RBFOX1: variants seen among roughly 807,000 people sequenced by gnomAD.
The protein encoded by RBFOX1 is RNA binding fox-1 homolog 1, also known as RNA binding protein fox-1 homolog 1.
RBFOX1 carries 8 observed loss-of-function variants against 57.7 expected under a neutral mutation model. That is an observed-to-expected ratio of 0.14 (90% CI 0.08 to 0.25). The LOEUF (loss-of-function observed/expected upper bound fraction) is 0.25. RBFOX1 is among the 10% of genes least tolerant of loss of function. The pLI is 1.00. For missense variants in RBFOX1, 611 were observed against 548.5 expected (o/e 1.11, Z -1.14); for synonymous variants, 326 against 222.4 (o/e 1.47, Z -4.15).
At chr16:6,628,589 G>A (rs888865696) in intron 2 of RBFOX1, among the ~76,000 whole-genome samples, 19 of 152,040 alleles carry the variant, frequency 1.2e-4, no homozygotes, top group African/African-American at 4.1e-4. Flanking sequence ...AAAGTGACTT[G>A]CATCAGTATC....
intron 3 of RBFOX1, among the ~76,000 whole-genome samples, chr16:6,977,476 A>G (rs149840251): frequency 6.6e-6 from 1 of 152,024 alleles, no homozygotes; most frequent in Non-Finnish European, 1.5e-5. Context: ...TGACTTCCTG[A>G]GAATGCAGCC....
chr16:5,522,902 A>G (rs977450310), intron 2 of RBFOX1, among the ~76,000 whole-genome samples: 10 of 152,202 alleles, frequency 6.6e-5, no homozygotes, highest in Non-Finnish European at 1.3e-4. Context: ...ATAGCATTCC[A>G]TCGTGTATCT....
intron 4 of RBFOX1, among the ~76,000 whole-genome samples, chr16:7,252,967 C>T (rs1037094241): frequency 6.6e-6 from 1 of 152,146 alleles, no homozygotes; most frequent in Non-Finnish European, 1.5e-5. Context: ...AATAAGCATG[C>T]ACATATGTTA....
intron 3 of RBFOX1, among the ~76,000 whole-genome samples, chr16:6,924,862 G>C (rs1172336414): frequency 1.4e-4 from 16 of 115,180 alleles, no homozygotes; most frequent in African/African-American, 5.6e-4. Flanking sequence ...AACAGTCCCT[G>C]GTGTGTGATG....
chr16:5,577,865 C>A (rs1021424302), intron 2 of RBFOX1, among the ~76,000 whole-genome samples: 4 of 152,106 alleles, frequency 2.6e-5, no homozygotes, highest in South Asian at 4.1e-4. Context: ...TTTGGTGCAG[C>A]CTAATATAAA....
At chr16:5,902,010 ACTC>A (rs1261907479) in intron 4 of RBFOX1, among the ~76,000 whole-genome samples, 1 of 151,914 alleles carries the variant, frequency 6.6e-6, no homozygotes, top group Non-Finnish European at 1.5e-5. Flanking sequence ...TCCCATTATT[ACTC>A]AGTTATTCAT....
At chr16:5,957,822 A>G (rs1348546050) in intron 4 of RBFOX1, among the ~76,000 whole-genome samples, 1 of 152,100 alleles carries the variant, frequency 6.6e-6, no homozygotes, top group Non-Finnish European at 1.5e-5. Context: ...CAAACAATCC[A>G]CTTATACTCT....
intron 2 of RBFOX1, among the ~76,000 whole-genome samples, chr16:6,514,338 A>G (rs1235897742): frequency 6.6e-6 from 1 of 152,058 alleles, no homozygotes; most frequent in Admixed American, 6.6e-5. Context: ...TATGGCGTGG[A>G]GGCTTAAGAG....
chr16:6,848,626 G>A (rs1756876902), intron 3 of RBFOX1, among the ~76,000 whole-genome samples: 1 of 152,020 alleles, frequency 6.6e-6, no homozygotes, highest in African/African-American at 2.4e-5. Context: ...TGTGTGTAGA[G>A]AGAGATGATG....
intron 1 of RBFOX1, among the ~76,000 whole-genome samples, chr16:5,400,646 C>T (rs2066689700): frequency 6.6e-6 from 1 of 151,610 alleles, no homozygotes; most frequent in South Asian, 2.1e-4. Context: ...TTAATTTCCC[C>T]TTCCAGTTGG....
At chr16:6,490,171 G>T (rs1430885058) in intron 2 of RBFOX1, among the ~76,000 whole-genome samples, 1 of 152,118 alleles carries the variant, frequency 6.6e-6, no homozygotes, top group African/African-American at 2.4e-5. Context: ...AATAGCAAAT[G>T]CTATGAAAAG....
chr16:7,420,752 T>G (rs892398268), intron 4 of RBFOX1, among the ~76,000 whole-genome samples: 1 of 151,714 alleles, frequency 6.6e-6, no homozygotes, highest in African/African-American at 2.4e-5. Context: ...TAGAGCATTT[T>G]TTTCTTTATA....
At chr16:7,519,735 C>G in intron 5 of RBFOX1, 1 of 984,134 alleles carries the variant, frequency 1.0e-6, no homozygotes, top group Non-Finnish European at 1.2e-6. Flanking sequence ...GCCTCTTCGT[C>G]CTGTCCCAAG....
chr16:5,758,673 T>C (rs573365774), intron 3 of RBFOX1, among the ~76,000 whole-genome samples: 57 of 152,278 alleles, frequency 3.7e-4, no homozygotes, highest in Non-Finnish European at 6.0e-4. Context: ...TGGTGATCAC[T>C]AATAAAGAAA....
At chr16:7,166,247 C>T (rs1201699440) in intron 4 of RBFOX1, among the ~76,000 whole-genome samples, 1 of 147,140 alleles carries the variant, frequency 6.8e-6, no homozygotes, top group Admixed American at 7.3e-5. Context: ...TTCCTATCCT[C>T]AAGTGATCCA....
At chr16:6,963,674 G>A (rs1020706811) in intron 3 of RBFOX1, among the ~76,000 whole-genome samples, 2 of 152,060 alleles carry the variant, frequency 1.3e-5, no homozygotes, top group African/African-American at 4.8e-5. Context: ...AAGAGGCAGA[G>A]CATAGAGGAT....
rs1042815146 is a variant in RBFOX1 at position 7,692,251 on chromosome 16, T to C, written c.995+15413T>C. 4.6e-5 allele frequency among the ~76,000 whole-genome samples: 7 copies of C among 152,170 alleles called. No homozygotes were observed. In the South Asian group the frequency reaches 1.0e-3, roughly 22 times the overall value. On this transcript the variant is annotated intron_variant, in intron 14 of 15. Transcript: ENST00000550418. ...ATTCTCAAAGCATGTATAACTTGTT[T>C]ATATTTTATTGGTGTAGAAATGACT...
chr16:5,258,840 C>T lies in RBFOX1; in HGVS notation c.219+18735C>T, dbSNP rs566396368. On this transcript the variant is annotated intron_variant, in intron 1 of 2. Transcript: ENST00000585867. ...CTGAGGCAGGAGAATCTCTTGAAGC[C>T]GGGAGGTGGAAGTTGCAGTGAGCTA... 7.9e-5 allele frequency among the ~76,000 whole-genome samples: 12 copies of T among 152,028 alleles called. No individual in the cohort carries two copies. In the East Asian group the frequency reaches 1.4e-3, roughly 17 times the overall value.
At chr16:5,915,780 C>A (rs112730967) in intron 4 of RBFOX1, among the ~76,000 whole-genome samples, 12,917 of 151,932 alleles carry the variant, frequency 0.085, 862 homozygotes, top group African/African-American at 0.18. Context: ...TGCAGTGAGC[C>A]AAGATCATGC....
Sources: allele counts gnomAD v4.1 joint callset (sites outside exome capture counted in the v4.1 genomes callset), GRCh38; gene constraint gnomAD v4.1.1; transcripts MANE v1.5; gene names NCBI Gene and HGNC (gene_info 2026-07-23, HGNC 2026-07-21).